ATP2C1: variants seen among roughly 807,000 people sequenced by gnomAD.
ATP2C1 encodes the protein ATPase secretory pathway Ca2+ transporting 1, also known as calcium-transporting ATPase type 2C member 1.
Under a neutral mutation model 120.5 loss-of-function variants are expected in ATP2C1, and 31 were observed. The ratio of observed to expected loss-of-function variants is 0.26; its 90% confidence interval spans 0.19 to 0.35. ATP2C1 has a LOEUF of 0.35. ATP2C1 is among the 10% of genes least tolerant of loss of function. ATP2C1 has a pLI of 1.00. For synonymous variants in ATP2C1, 351 were observed against 358.7 expected (o/e 0.98, Z 0.24); for missense variants, 731 against 1,107.5 (o/e 0.66, Z 4.83).
At chr3:130,974,206 C>T (rs932717859) in intron 17 of ATP2C1, among the ~76,000 whole-genome samples, 3 of 152,148 alleles carry the variant, frequency 2.0e-5, no homozygotes, top group Admixed American at 6.6e-5. Flanking sequence ...TGGTTATTAA[C>T]TTTATAAAAG....
intron 1 of ATP2C1, among the ~76,000 whole-genome samples, chr3:130,874,149 A>G (rs2068525523): frequency 6.6e-6 from 1 of 151,920 alleles, no homozygotes; most frequent in African/African-American, 2.4e-5. Context: ...AAGATAAGAA[A>G]AAAATCTAGT....
chr3:130,867,761 A>G (rs1380420287), intron 1 of ATP2C1, among the ~76,000 whole-genome samples: 1 of 27,366 alleles, frequency 3.7e-5, no homozygotes, highest in East Asian at 5.6e-4. Context: ...ATCGTCTGGG[A>G]TATGAGGAGC....
rs767183353 is a variant in ATP2C1 at position 130,967,110 on chromosome 3, T to A, written c.1123-35T>A. 2.7e-6 allele frequency: 4 copies of A among 1,493,632 alleles called. No homozygotes were observed. The Admixed American group carries it at 6.7e-5, about 25-fold the overall frequency. 92.5% of individuals were successfully genotyped at this position (1,493,632 alleles called of 1,614,324 possible). On this transcript the variant is annotated intron_variant, in intron 14 of 27. Transcript: ENST00000510168. ...TCTTGTCACCACCAAGTGTTTGTAG[T>A]GTTTGTATTATTGATCCCACTTTGT...
chr3:130,860,800 T>C (rs1163597941), intron 1 of ATP2C1, among the ~76,000 whole-genome samples: 2 of 152,244 alleles, frequency 1.3e-5, no homozygotes, highest in African/African-American at 4.8e-5. Context: ...CCTCAGATTT[T>C]CTCTCATTTA....
rs901619694 is a variant in ATP2C1 at position 130,894,693 on chromosome 3, C to G, written c.-77C>G. 41 of 1,613,834 alleles carry G rather than the reference C, an allele frequency of 2.5e-5. No homozygotes were observed. The highest frequency in any genetic ancestry group is 3.2e-5 in the Non-Finnish European group (38 of 1,179,920). On this transcript the variant is annotated 5_prime_UTR_variant, in exon 2 of 28. Transcript: ENST00000510168. The surrounding 1 kb of genome is among the most constrained non-coding windows in gnomAD (Gnocchi z 4.5). ...CTTCTCTTCCTTGTCCTCCTCCTCT[C>G]CTCTCTATTCCCAGTGTGGCCGTGG...
intron 26 of ATP2C1, among the ~76,000 whole-genome samples, chr3:131,014,795 T>C (rs2063517805): frequency 6.6e-6 from 1 of 152,206 alleles, no homozygotes. Context: ...ACTAAAAACC[T>C]ACTTCACAAA....
intron 2 of ATP2C1, among the ~76,000 whole-genome samples, chr3:130,902,214 T>G (rs2057867838): frequency 6.6e-6 from 1 of 150,458 alleles, no homozygotes; most frequent in African/African-American, 2.4e-5. Flanking sequence ...CTAATTTCCC[T>G]TACCTTACTT....
chr3:130,929,995 GCTGA>G (rs797022407), intron 2 of ATP2C1: 181 of 324,442 alleles, frequency 5.6e-4, no homozygotes, highest in African/African-American at 3.8e-3. Context: ...TCAGCTATGA[GCTGA>G]CTGACTAAGA....
chr3:130,863,379 T>C (rs1350151183), intron 1 of ATP2C1, among the ~76,000 whole-genome samples: 2 of 152,164 alleles, frequency 1.3e-5, no homozygotes, highest in Non-Finnish European at 2.9e-5. Flanking sequence ...TATACTCCTA[T>C]ATTAGTCTAA....
At chr3:130,970,685 G>A (rs1044803466) in intron 17 of ATP2C1, among the ~76,000 whole-genome samples, 2 of 152,038 alleles carry the variant, frequency 1.3e-5, no homozygotes, top group East Asian at 1.9e-4. Flanking sequence ...GAGCCACCAT[G>A]CCTGGACTTA....
At chr3:130,996,323 A>C in intron 23 of ATP2C1, 1 of 595,580 alleles carries the variant, frequency 1.7e-6, no homozygotes, top group Non-Finnish European at 3.0e-6. Context: ...TGTATCATCA[A>C]AATGTATAAA....
intron 5 of ATP2C1, 112 bp downstream of exon 5, chr3:130,934,823 A>G: frequency 1.3e-6 from 1 of 746,102 alleles, no homozygotes; most frequent in Non-Finnish European, 2.3e-6. Flanking sequence ...TCAGTGTCCA[A>G]ATTCTGCTTT....
chr3:130,883,962 G>C (rs989843238), intron 1 of ATP2C1, among the ~76,000 whole-genome samples: 2 of 27,916 alleles, frequency 7.2e-5, no homozygotes, highest in Non-Finnish European at 1.7e-4. Context: ...TTTTTTTTTT[G>C]ATAGAGTCTT....
chr3:130,996,272 A>G (rs2062618716), intron 23 of ATP2C1, 161 bp downstream of exon 23: 4 of 652,048 alleles, frequency 6.1e-6, no homozygotes, highest in Admixed American at 2.6e-5. Flanking sequence ...GAAATTTTAA[A>G]TGGCATGATA....
In ATP2C1 at chr3:130,993,520, C is replaced by T. The variant is rs554606821; in HGVS notation, c.1891-412C>T. ...ATTGACATTTTGGACTGGATAATTCCTTGTTGTGAAGGGCTGCCCCATATG... is the reference window on the plus strand; with the variant it reads ...ATTGACATTTTGGACTGGATAATTCTTTGTTGTGAAGGGCTGCCCCATATG... On this transcript the variant is annotated intron_variant, in intron 21 of 27. Coordinates refer to ENST00000510168, the MANE Select transcript of ATP2C1 (RefSeq NM_001378687.1). Among the ~76,000 whole-genome samples, 4 of 152,208 alleles carry T rather than the reference C, an allele frequency of 2.6e-5. No homozygotes were observed. The East Asian group carries it at 5.8e-4, about 22-fold the overall frequency.
chr3:130,983,445 T>C (rs2108802447), intron 20 of ATP2C1, among the ~76,000 whole-genome samples: 1 of 152,370 alleles, frequency 6.6e-6, no homozygotes, highest in East Asian at 1.9e-4. Flanking sequence ...ATTACTGTAG[T>C]ATATTTATTG....
At chr3:130,912,905 A>G (rs1486105610) in intron 2 of ATP2C1, among the ~76,000 whole-genome samples, 6 of 152,008 alleles carry the variant, frequency 3.9e-5, no homozygotes, top group Admixed American at 3.9e-4. Flanking sequence ...CATATACACC[A>G]TGGAGTACTA....
downstream of ATP2C1, among the ~76,000 whole-genome samples, chr3:131,005,400 C>G (rs1370142252): frequency 6.6e-6 from 1 of 152,092 alleles, no homozygotes; most frequent in Non-Finnish European, 1.5e-5. Flanking sequence ...TAGGTGTGAA[C>G]CACTGTGCCC....
At chr3:130,907,779 T>C (rs2058206193) in intron 2 of ATP2C1, among the ~76,000 whole-genome samples, 1 of 151,898 alleles carries the variant, frequency 6.6e-6, no homozygotes, top group Admixed American at 6.6e-5. Flanking sequence ...CCCTTGCATT[T>C]CCATATGAAT....
Sources: gnomAD v4.1 joint callset for allele counts (sites outside exome capture counted in the v4.1 genomes callset) on GRCh38, gnomAD v4.1.1 for gene constraint, Gnocchi (gnomAD v3.1) non-coding constraint, MANE v1.5 for transcripts, NCBI Gene and HGNC (gene_info 2026-07-23, HGNC 2026-07-21) for gene names.